Variants in NUP153 observed in about 807,000 individuals in gnomAD.
NUP153 encodes the protein nucleoporin 153.
A neutral mutation model predicts 134.6 loss-of-function variants in NUP153; 27 were observed. The ratio of observed to expected loss-of-function variants is 0.20; its 90% CI spans 0.15 to 0.28. The LOEUF (loss-of-function observed/expected upper bound fraction) is 0.28. Among genes scored for constraint, NUP153 ranks in the 10% least tolerant of loss-of-function variants. The pLI is 1.00. For synonymous variants in NUP153, 640 were observed against 623.5 expected (o/e 1.03, Z -0.40); for missense variants, 1,821 against 1,731.3 (o/e 1.05, Z -0.92).
At chr6:17,641,270 C>T (rs2009377) in intron 14 of NUP153, among the ~76,000 whole-genome samples, 43,152 of 151,872 alleles carry the variant, frequency 0.28, 6,283 homozygotes, top group East Asian at 0.33. Flanking sequence ...GCACGGGGGC[C>T]CGTGCCTGTA....
Position 17,669,507 on chromosome 6 carries a change from C to G in NUP153, c.892G>C (p.Ala298Pro), listed in dbSNP as rs753134891. The change falls in exon 6 of 22, where the codon GCA (alanine) becomes CCA (proline). Residue 298 changes from alanine (A) to proline (P), a missense_variant. Coordinates refer to ENST00000262077, the MANE Select transcript of NUP153 (RefSeq NM_005124.4). ...RRQMKAKQLS[A>P]QSYGVTSSTA... ...GAACTGGTCACACCGTAAGATTGTGCACTGAGTTGCTTAGCTTTCATTTGT... is the reference window on the plus strand; with the variant it reads ...GAACTGGTCACACCGTAAGATTGTGGACTGAGTTGCTTAGCTTTCATTTGT... 4.3e-6 allele frequency: 7 copies of G among 1,613,896 alleles called. No homozygotes were observed. The highest frequency in any genetic ancestry group is 5.9e-6 in the Non-Finnish European group (7 of 1,179,904).
chr6:17,617,212 A>G (rs1160755505), intron 20 of NUP153, among the ~76,000 whole-genome samples: 3 of 152,198 alleles, frequency 2.0e-5, no homozygotes, highest in Admixed American at 6.5e-5. Flanking sequence ...CCTATGACCA[A>G]GGGGAAAAGG....
intron 1 of NUP153, among the ~76,000 whole-genome samples, chr6:17,692,132 C>T (rs1423485428): frequency 2.6e-5 from 4 of 152,154 alleles, no homozygotes; most frequent in Non-Finnish European, 5.9e-5. Context: ...CCTCATGTGG[C>T]AACATTAGGT....
chr6:17,649,098 G>GT (rs956010079), intron 12 of NUP153, 65 bp downstream of exon 12: 59 of 1,376,510 alleles, frequency 4.3e-5, no homozygotes, highest in Middle Eastern at 3.7e-4. Flanking sequence ...ATAATATAGG[G>GT]TTTTTTTTAA....
In NUP153 at chr6:17,616,104, C is replaced by T; in HGVS notation, c.4421G>A (p.Arg1474Lys). 1 of 1,611,124 alleles carries T rather than the reference C, an allele frequency of 6.2e-7. No individual in the cohort carries two copies. The highest frequency in any genetic ancestry group is 1.1e-5 in the South Asian group (1 of 91,000). The change falls in exon 22 of 22, where the codon AGG becomes AAG. Residue 1474 changes from arginine to lysine, a missense_variant. Coordinates refer to ENST00000262077, the MANE Select transcript of NUP153 (RefSeq NM_005124.4). ...GRKIKTAVRRRK is the reference protein window; with the variant it reads ...GRKIKTAVRRKK ...ACAACACCAATGTGACCTTTATTTC[C>T]TGCGTCTAACAGCAGTCTTTATCTT...
Position 17,669,464 on chromosome 6 carries a change from A to C in NUP153, c.935T>G (p.Leu312Trp). 6.2e-7 allele frequency: 1 copy of C among 1,614,066 alleles called. No individual in the cohort carries two copies. The change falls in exon 6 of 22, where the codon TTG becomes TGG. Residue 312 changes from leucine (L) to tryptophan (W), a missense_variant. Transcript: ENST00000262077. The part of the protein sequence containing the change: ...GVTSSTARRI[L>W]QSLEKMSSPL... ...GCTTGACATCTTCTCTAAAGACTGCAATATTCGCCGAGCTGTTGAACTGGT... is the reference window on the plus strand; with the variant it reads ...GCTTGACATCTTCTCTAAAGACTGCCATATTCGCCGAGCTGTTGAACTGGT...
intron 14 of NUP153, among the ~76,000 whole-genome samples, chr6:17,644,760 G>A (rs1015266651): frequency 5.3e-5 from 8 of 151,992 alleles, no homozygotes; most frequent in Admixed American, 2.0e-4. Flanking sequence ...CTGGCCAAAC[G>A]TGGTGAAACA....
At chr6:17,667,953 G>C (rs1032507171) in intron 8 of NUP153, among the ~76,000 whole-genome samples, 2 of 151,874 alleles carry the variant, frequency 1.3e-5, no homozygotes, top group African/African-American at 4.8e-5. Context: ...TTGTTTGGCT[G>C]ATGAGAGATC....
At chr6:17,698,141 C>G (rs1272559483) in intron 1 of NUP153, among the ~76,000 whole-genome samples, 1 of 152,074 alleles carries the variant, frequency 6.6e-6, no homozygotes, top group African/African-American at 2.4e-5. Flanking sequence ...TCTTATTCTC[C>G]CAGGGAGCAG....
At chr6:17,636,924 C>T (rs1765578459) in intron 16 of NUP153, among the ~76,000 whole-genome samples, 1 of 152,200 alleles carries the variant, frequency 6.6e-6, no homozygotes, top group East Asian at 1.9e-4. Flanking sequence ...TAAAACTGTA[C>T]AAAAAGAGGA....
chr6:17,701,862 G>A (rs1170545921), intron 1 of NUP153, among the ~76,000 whole-genome samples: 1 of 140,838 alleles, frequency 7.1e-6, no homozygotes, highest in Non-Finnish European at 1.5e-5. Context: ...CTAAATGCAG[G>A]AACTGACTTG....
rs369756431 is a variant in NUP153 at position 17,661,832 on chromosome 6, C to T, written c.1269-53G>A. The T allele has an allele frequency of 4.4e-5, 68 of 1,537,196 alleles. No individual in the cohort carries two copies. In the South Asian group the frequency reaches 7.1e-4, roughly 16 times the overall value. On this transcript the variant is annotated intron_variant, in intron 10 of 21. Transcript: ENST00000262077. The stretch of plus-strand genomic sequence containing the variant: ...ACTGATATATTATTGTGGTCCATAA[C>T]TTGTTAACTAGAACTGCTAACAAGT...
chr6:17,646,120 GT>G lies in NUP153; in HGVS notation c.1666del (p.Thr556GlnfsTer11). ...ACTACTAGAACCAGAAAGTTCTGCTGTTTTTGCAACAGGCACACTAAATGTA... is the reference window on the plus strand; with the variant it reads ...ACTACTAGAACCAGAAAGTTCTGCTGTTTTGCAACAGGCACACTAAATGTA... Reference protein sequence around the residue: ...GFTFSVPVAKTAELSGSSSTL... With the variant: ...GFTFSVPVAKXAELSGSSSTL... On this transcript the variant is annotated frameshift_variant, in exon 14 of 22. Coordinates refer to ENST00000262077, the MANE Select transcript of NUP153 (RefSeq NM_005124.4). LOFTEE classifies it high-confidence loss of function. 3 of 1,601,776 alleles carry G rather than the reference GT, an allele frequency of 1.9e-6. No individual in the cohort carries two copies. The highest frequency in any genetic ancestry group is 2.6e-6 in the Non-Finnish European group (3 of 1,169,214).
At chr6:17,678,578 G>GT (rs1399654989) in intron 2 of NUP153, among the ~76,000 whole-genome samples, 1 of 152,092 alleles carries the variant, frequency 6.6e-6, no homozygotes, top group Admixed American at 6.5e-5. Context: ...GCTCTCCTCA[G>GT]TAAGTATTTT....
chr6:17,706,600 C>G lies in NUP153; in HGVS notation c.-213G>C. On this transcript the variant is annotated 5_prime_UTR_variant, in exon 1 of 22. Coordinates refer to ENST00000262077, the MANE Select transcript of NUP153 (RefSeq NM_005124.4). This position sits in a 1 kb window ranked among gnomAD's most constrained non-coding sequence, Gnocchi z 5.9. ...TGGCAGCGGGGAAGGGGGTGGCGGC[C>G]GCAGAGGCCGAGGAGGCTCCGGTCC... 1 of 576,820 alleles carries G rather than the reference C, an allele frequency of 1.7e-6. No homozygotes were observed. The highest frequency in any genetic ancestry group is 3.1e-6 in the Non-Finnish European group (1 of 327,328). The allele number at this position is 576,820 out of a possible 1,614,324, so 35.7% of individuals were successfully genotyped here.
chr6:17,698,828 G>A (rs1361055002), intron 1 of NUP153, among the ~76,000 whole-genome samples: 2 of 150,112 alleles, frequency 1.3e-5, no homozygotes, highest in Non-Finnish European at 3.0e-5. Context: ...AGCCAAGATC[G>A]TGCCATTGCA....
Position 17,706,414 on chromosome 6 carries a change from C to A in NUP153, c.-27G>T. ...GCGGAGCCTCCGCCGCTTCCCGCTC[C>A]GGGGCGGGTAAGGGGGCGGGAGAGG... On this transcript the variant is annotated 5_prime_UTR_variant, in exon 1 of 22. Transcript: ENST00000262077. This position sits in a 1 kb window ranked among gnomAD's most constrained non-coding sequence, Gnocchi z 5.9. 1.3e-6 allele frequency: 2 copies of A among 1,585,460 alleles called. No homozygotes were observed. Among genetic ancestry groups the A allele is most frequent in the Non-Finnish European group, 1.7e-6 (2 of 1,159,670 alleles).
At chr6:17,694,025 AT>A (rs974104736) in intron 1 of NUP153, among the ~76,000 whole-genome samples, 3 of 151,912 alleles carry the variant, frequency 2.0e-5, no homozygotes, top group African/African-American at 7.3e-5. Context: ...TTTTTTCTAT[AT>A]TTTTTTCAAA....
At chr6:17,626,540 A>AT (rs1365633179) in intron 18 of NUP153, among the ~76,000 whole-genome samples, 1 of 152,232 alleles carries the variant, frequency 6.6e-6, no homozygotes, top group East Asian at 1.9e-4. Flanking sequence ...TGGCAAAATC[A>AT]TAACTTCAAT....
Sources: gnomAD v4.1 joint callset for allele counts (sites outside exome capture counted in the v4.1 genomes callset) on GRCh38, gnomAD v4.1.1 for gene constraint, Gnocchi (gnomAD v3.1) non-coding constraint, MANE v1.5 for transcripts, NCBI Gene and HGNC (gene_info 2026-07-23, HGNC 2026-07-21) for gene names.